Variants in UGT1A6 observed in about 807,000 individuals in gnomAD.
The protein encoded by UGT1A6 is UDP glucuronosyltransferase family 1 member A6.
UGT1A6 carries 32 observed loss-of-function variants against 44.4 expected under a neutral mutation model. That is an observed-to-expected ratio of 0.72 (90% CI 0.54 to 0.97). The LOEUF (loss-of-function observed/expected upper bound fraction) is 0.97. Ranked by LOEUF, UGT1A6 falls within the 50% of genes least tolerant of loss-of-function variation. The pLI, the probability that UGT1A6 is intolerant of heterozygous loss-of-function variation, is 0.00. For synonymous variants in UGT1A6, 238 were observed against 248.5 expected (o/e 0.96, Z 0.40); for missense variants, 685 against 661.9 (o/e 1.03, Z -0.38).
At chr2:233,750,502 A>T (rs1694477607) in intron 1 of UGT1A6, 1 of 152,122 alleles carries the variant, frequency 6.6e-6, no homozygotes, top group East Asian at 1.9e-4. Context: ...GAGGAGCCAA[A>T]TGTTAATTGC....
At chr2:233,739,371 G>C (rs1691070576) in intron 1 of UGT1A6, among the ~76,000 whole-genome samples, 1 of 152,184 alleles carries the variant, frequency 6.6e-6, no homozygotes. Flanking sequence ...AGCTTGCACT[G>C]TGTGCCTGGA....
intron 4 of UGT1A6, among the ~76,000 whole-genome samples, chr2:233,771,796 C>G (rs373628815): frequency 4.6e-5 from 7 of 151,828 alleles, no homozygotes; most frequent in African/African-American, 1.7e-4. Flanking sequence ...CCCTCCCTCC[C>G]TCCCTCCCTT....
chr2:233,771,027 G>T (rs186703216), intron 4 of UGT1A6: 5 of 152,078 alleles, frequency 3.3e-5, no homozygotes, highest in Admixed American at 1.3e-4. Flanking sequence ...GAGAGAGTTG[G>T]GGGGGAAGGT....
Position 233,769,621 on chromosome 2 carries a change from A to G in UGT1A6, c.1301+1182A>G. 2 of 1,612,498 alleles carry G rather than the reference A, an allele frequency of 1.2e-6. No homozygotes were observed. The highest frequency in any genetic ancestry group is 1.7e-5 in the Admixed American group (1 of 59,994). On this transcript the variant is annotated intron_variant, in intron 4 of 4. Transcript: ENST00000305139. The surrounding 1 kb of genome is among the most constrained non-coding windows in gnomAD (Gnocchi z 4.4). Reference sequence around the variant, plus strand: ...ACACGGGGACACACCAGCTTGAGCAAGGGACAACAGGGGAGGACTGATGAC... The same window carrying G: ...ACACGGGGACACACCAGCTTGAGCAGGGGACAACAGGGGAGGACTGATGAC...
intron 4 of UGT1A6, 116 bp downstream of exon 4, chr2:233,768,555 A>C: frequency 6.8e-7 from 1 of 1,474,628 alleles, no homozygotes; most frequent in African/African-American, 1.4e-5. Flanking sequence ...AAAAACAAAT[A>C]CATAAAAATC....
At chr2:233,726,742 G>A (rs1437443163) in intron 1 of UGT1A6, among the ~76,000 whole-genome samples, 1 of 152,226 alleles carries the variant, frequency 6.6e-6, no homozygotes, top group African/African-American at 2.4e-5. Context: ...TTGTGGGGCT[G>A]TGATTCTGCC....
chr2:233,751,840 C>T (rs55891750), intron 1 of UGT1A6, among the ~76,000 whole-genome samples: 9,684 of 152,142 alleles, frequency 0.064, 535 homozygotes, highest in African/African-American at 0.14. Context: ...GGAACTGAGT[C>T]ATTTAAACCT....
At chr2:233,713,375 T>C in intron 1 of UGT1A6, 1 of 1,614,192 alleles carries the variant, frequency 6.2e-7, no homozygotes, top group Non-Finnish European at 8.5e-7. Flanking sequence ...ATAGGTCTTG[T>C]GTGGAGCTAC....
intron 1 of UGT1A6, among the ~76,000 whole-genome samples, chr2:233,748,454 G>C (rs780753495): frequency 1.7e-4 from 26 of 151,822 alleles, no homozygotes; most frequent in Non-Finnish European, 3.7e-4. Flanking sequence ...ATTTTCAGGG[G>C]AAAGATGATG....
chr2:233,744,127 T>G, intron 1 of UGT1A6: 2 of 357,210 alleles, frequency 5.6e-6, no homozygotes, highest in South Asian at 4.6e-5. Context: ...TGAGGCTCTG[T>G]GAGGCCCTGT....
chr2:233,756,399 T>G (rs189386635), intron 1 of UGT1A6: 1 of 152,208 alleles, frequency 6.6e-6, no homozygotes. Flanking sequence ...CAGTATTGGT[T>G]TTTTATTTGT....
intron 1 of UGT1A6, among the ~76,000 whole-genome samples, chr2:233,736,119 C>T (rs933260681): frequency 3.9e-5 from 6 of 152,336 alleles, no homozygotes; most frequent in South Asian, 2.1e-4. Context: ...CAACTTGTTT[C>T]CATTCTCCGC....
At chr2:233,711,531 C>G (rs1251081299) in intron 1 of UGT1A6, among the ~76,000 whole-genome samples, 1 of 152,312 alleles carries the variant, frequency 6.6e-6, no homozygotes, top group South Asian at 2.1e-4. Context: ...CACAACTCCC[C>G]GGGAATCATC....
intron 1 of UGT1A6, among the ~76,000 whole-genome samples, chr2:233,749,453 C>A (rs1313864160): frequency 6.6e-6 from 1 of 151,804 alleles, no homozygotes; most frequent in Non-Finnish European, 1.5e-5. Flanking sequence ...TGGAGCAGAA[C>A]GAATTGGGAA....
At chr2:233,736,410 T>C (rs1179819701) in intron 1 of UGT1A6, among the ~76,000 whole-genome samples, 1 of 152,232 alleles carries the variant, frequency 6.6e-6, no homozygotes, top group Non-Finnish European at 1.5e-5. Flanking sequence ...TAGGCATTCA[T>C]CTAACCTTTT....
intron 1 of UGT1A6, among the ~76,000 whole-genome samples, chr2:233,766,604 C>T (rs1699199811): frequency 6.6e-6 from 1 of 152,174 alleles, no homozygotes; most frequent in Non-Finnish European, 1.5e-5. Flanking sequence ...AGGGACCACA[C>T]CCTCTTCTAC....
intron 1 of UGT1A6, among the ~76,000 whole-genome samples, chr2:233,757,571 A>G (rs112550375): frequency 3.9e-5 from 3 of 77,334 alleles, no homozygotes; most frequent in African/African-American, 1.8e-4. Flanking sequence ...TGTATATATG[A>G]TATAGCTATA....
intron 1 of UGT1A6, chr2:233,754,324 G>A (rs1695452897): frequency 4.1e-6 from 1 of 246,506 alleles, no homozygotes; most frequent in South Asian, 5.3e-5. Context: ...TCTGCCTCAG[G>A]CTTAAGTTTA....
chr2:233,727,430 A>C (rs1214577607), intron 1 of UGT1A6, among the ~76,000 whole-genome samples: 1 of 152,124 alleles, frequency 6.6e-6, no homozygotes, highest in African/African-American at 2.4e-5. Flanking sequence ...GGAGTCCCAG[A>C]CATGTGACAA....
Sources: allele counts gnomAD v4.1 joint callset (sites outside exome capture counted in the v4.1 genomes callset), GRCh38; gene constraint gnomAD v4.1.1; non-coding constraint Gnocchi (gnomAD v3.1); transcripts MANE v1.5; gene names NCBI Gene and HGNC (gene_info 2026-07-23, HGNC 2026-07-21).